Variants in TMEM131L observed in about 807,000 individuals in gnomAD.
TMEM131L encodes the protein transmembrane protein 131-like.
TMEM131L carries 54 observed loss-of-function variants against 192.2 expected under a neutral mutation model. That is an observed-to-expected ratio of 0.28 (90% CI 0.23 to 0.35). TMEM131L has a LOEUF of 0.35. Ranked by LOEUF, TMEM131L falls within the 10% of genes least tolerant of loss-of-function variation. TMEM131L has a pLI of 1.00. For synonymous variants in TMEM131L, 701 were observed against 704.9 expected (o/e 0.99, Z 0.09); for missense variants, 1,888 against 1,972.9 (o/e 0.96, Z 0.82).
At chr4:153,582,566 A>G (rs1730436266) in intron 9 of TMEM131L, among the ~76,000 whole-genome samples, 1 of 148,330 alleles carries the variant, frequency 6.7e-6, no homozygotes. Flanking sequence ...AGCATGAGCC[A>G]CCGTGCCCTG....
chr4:153,521,862 G>GTTT (rs34480228), intron 3 of TMEM131L, among the ~76,000 whole-genome samples: 1 of 137,122 alleles, frequency 7.3e-6, no homozygotes, highest in Non-Finnish European at 1.6e-5. Flanking sequence ...TGTTTTCTGT[G>GTTT]TTTTTTTTTT....
chr4:153,604,932 G>A (rs1043436095), intron 25 of TMEM131L, among the ~76,000 whole-genome samples: 3 of 152,066 alleles, frequency 2.0e-5, no homozygotes, highest in Non-Finnish European at 4.4e-5. Flanking sequence ...CTCAGACTCC[G>A]ACCTCAAGTG....
At chr4:153,537,749 C>T (rs574305296) in intron 3 of TMEM131L, among the ~76,000 whole-genome samples, 11 of 152,328 alleles carry the variant, frequency 7.2e-5, no homozygotes, top group Middle Eastern at 3.4e-3. Flanking sequence ...AATGCCTTAA[C>T]TGTCTGGGAA....
intron 25 of TMEM131L, among the ~76,000 whole-genome samples, chr4:153,611,431 C>A (rs543672753): frequency 4.3e-4 from 65 of 152,240 alleles, no homozygotes; most frequent in Admixed American, 7.2e-4. Flanking sequence ...TTCTCTGCCT[C>A]TTTGCCAGCT....
intron 3 of TMEM131L, among the ~76,000 whole-genome samples, chr4:153,546,032 G>A (rs1432559021): frequency 6.6e-6 from 1 of 151,986 alleles, no homozygotes; most frequent in African/African-American, 2.4e-5. Context: ...ACCAGCGTGT[G>A]CCACTGAGCT....
chr4:153,616,690 T>C (rs991781485), intron 26 of TMEM131L, among the ~76,000 whole-genome samples: 16 of 152,306 alleles, frequency 1.1e-4, no homozygotes, highest in African/African-American at 3.6e-4. Context: ...TTTTAACATT[T>C]TTGTATTCTT....
At chr4:153,535,350 G>A (rs535933321) in intron 3 of TMEM131L, among the ~76,000 whole-genome samples, 1 of 152,246 alleles carries the variant, frequency 6.6e-6, no homozygotes, top group African/African-American at 2.4e-5. Context: ...AGCACATGTG[G>A]ATGGGCAGTT....
intron 3 of TMEM131L, among the ~76,000 whole-genome samples, chr4:153,515,320 A>G (rs1014160682): frequency 6.6e-6 from 1 of 152,220 alleles, no homozygotes; most frequent in South Asian, 2.1e-4. Flanking sequence ...CCTGTTCTGA[A>G]TATTTCATAT....
chr4:153,506,515 C>T (rs912722172), intron 3 of TMEM131L, among the ~76,000 whole-genome samples: 2 of 151,854 alleles, frequency 1.3e-5, no homozygotes, highest in African/African-American at 2.4e-5. Flanking sequence ...TTCATTCAAC[C>T]AAAAAATGAG....
At chr4:153,491,626 C>T (rs1732786146) in intron 3 of TMEM131L, among the ~76,000 whole-genome samples, 1 of 151,794 alleles carries the variant, frequency 6.6e-6, no homozygotes, top group Non-Finnish European at 1.5e-5. Context: ...TAGTGAAAGC[C>T]TTATATACAC....
chr4:153,627,725 G>T (rs530198328), intron 31 of TMEM131L, 38 bp downstream of exon 31: 5 of 1,527,136 alleles, frequency 3.3e-6, no homozygotes, highest in Non-Finnish European at 4.5e-6. Flanking sequence ...ATCAGCCAAG[G>T]GTTCTGTGCT....
chr4:153,511,035 A>C (rs1020271949), intron 3 of TMEM131L, among the ~76,000 whole-genome samples: 1 of 152,242 alleles, frequency 6.6e-6, no homozygotes, highest in Admixed American at 6.5e-5. Context: ...GGTTGGTAGG[A>C]GTGTAACTTA....
intron 7 of TMEM131L, among the ~76,000 whole-genome samples, chr4:153,572,904 C>T (rs1299817552): frequency 1.3e-5 from 2 of 152,194 alleles, no homozygotes; most frequent in Non-Finnish European, 2.9e-5. Context: ...ATTCTACTTT[C>T]TGTCTCTATG....
At chr4:153,473,124 G>C (rs1476001200) in intron 2 of TMEM131L, among the ~76,000 whole-genome samples, 1 of 152,230 alleles carries the variant, frequency 6.6e-6, no homozygotes, top group African/African-American at 2.4e-5. Context: ...GCCTGTGTGG[G>C]ACAGTGCTGT....
intron 14 of TMEM131L, among the ~76,000 whole-genome samples, chr4:153,587,339 C>A (rs1405814896): frequency 6.6e-6 from 1 of 151,280 alleles, no homozygotes; most frequent in East Asian, 1.9e-4. Context: ...TAAAAAAAAA[C>A]AAAACTTCTG....
rs1009228842 is a variant in TMEM131L at position 153,619,720 on chromosome 4, G to A, written c.3568-1036G>A. On this transcript the variant is annotated intron_variant, in intron 26 of 34. Coordinates refer to ENST00000409959, the MANE Select transcript of TMEM131L (RefSeq NM_001131007.2). ...ACCTTTTTCTCCTTCCAAGTTATTC[G>A]TGTTAGTTGAGTGTATGTTTCAACT... Among the ~76,000 whole-genome samples the A allele has an allele frequency of 4.6e-5, 7 of 152,306 alleles. No homozygotes were observed. The South Asian group carries it at 1.2e-3, about 27-fold the overall frequency.
At chr4:153,584,984 C>A in intron 12 of TMEM131L, 53 bp downstream of exon 12, 1 of 1,345,836 alleles carries the variant, frequency 7.4e-7, no homozygotes, top group Non-Finnish European at 1.1e-6. Context: ...TTGTTGTTTT[C>A]CCCTCTAGAA....
chr4:153,540,352 T>G (rs796399699), intron 3 of TMEM131L, among the ~76,000 whole-genome samples: 55 of 152,304 alleles, frequency 3.6e-4, no homozygotes, highest in African/African-American at 1.3e-3. Context: ...TCCTCCAGCC[T>G]TACCTGAAGA....
In TMEM131L at chr4:153,473,901, T is replaced by C. The variant is rs1471132265; in HGVS notation, c.239+13T>C. On this transcript the variant is annotated intron_variant, in intron 3 of 34. Coordinates refer to ENST00000409959, the MANE Select transcript of TMEM131L (RefSeq NM_001131007.2). ...CTCAAGAACAGAGGTAAGGAAAAAA[T>C]GGGGGTGGAAACCTGCATGCTGAAT... The C allele has an allele frequency of 6.5e-7, 1 of 1,541,556 alleles. No homozygotes were observed. Among genetic ancestry groups the C allele is most frequent in the African/African-American group, 1.4e-5 (1 of 72,678 alleles).
Sources: allele counts gnomAD v4.1 joint callset (sites outside exome capture counted in the v4.1 genomes callset), GRCh38; gene constraint gnomAD v4.1.1; transcripts MANE v1.5; gene names NCBI Gene and HGNC (gene_info 2026-07-23, HGNC 2026-07-21).